NRXN1: variants seen among roughly 807,000 people sequenced by gnomAD.
NRXN1 encodes the protein neurexin-1.
In NRXN1, 39 loss-of-function variants were observed where a neutral mutation model predicts 150.9. That is an observed-to-expected ratio of 0.26 (90% confidence interval 0.20 to 0.34). The LOEUF (loss-of-function observed/expected upper bound fraction) is 0.34. Ranked by LOEUF, NRXN1 falls within the 10% of genes least tolerant of loss-of-function variation. The pLI is 1.00. For synonymous variants in NRXN1, 924 were observed against 757.0 expected (o/e 1.22, Z -3.62); for missense variants, 1,815 against 1,949.9 (o/e 0.93, Z 1.30).
At chr2:50,853,292 CT>C (rs1674778877) in intron 5 of NRXN1, among the ~76,000 whole-genome samples, 1 of 152,032 alleles carries the variant, frequency 6.6e-6, no homozygotes, top group Non-Finnish European at 1.5e-5. Flanking sequence ...TAATGAAAAT[CT>C]GCATGAGAGC....
At chr2:50,584,410 C>T (rs966072162) in intron 8 of NRXN1, among the ~76,000 whole-genome samples, 2 of 152,140 alleles carry the variant, frequency 1.3e-5, no homozygotes, top group African/African-American at 4.8e-5. Context: ...CTCATCAGCC[C>T]ATCTGTCCTG....
At chr2:50,889,965 A>G (rs1322158450) in intron 5 of NRXN1, among the ~76,000 whole-genome samples, 1 of 151,730 alleles carries the variant, frequency 6.6e-6, no homozygotes, top group Non-Finnish European at 1.5e-5. Context: ...TTTAAAATAA[A>G]TCTAATTTAT....
intron 2 of NRXN1, among the ~76,000 whole-genome samples, chr2:50,989,861 T>C (rs529333253): frequency 2.0e-5 from 3 of 152,082 alleles, no homozygotes; most frequent in East Asian, 1.9e-4. Flanking sequence ...GGTAGTATGT[T>C]AGACTTTATC....
intron 5 of NRXN1, among the ~76,000 whole-genome samples, chr2:50,692,152 G>T (rs1281758197): frequency 6.6e-6 from 1 of 151,552 alleles, no homozygotes; most frequent in Admixed American, 6.6e-5. Flanking sequence ...AGTTAACAAA[G>T]AAATTTTACA....
intron 19 of NRXN1, among the ~76,000 whole-genome samples, chr2:50,061,374 G>T (rs1481797568): frequency 2.6e-5 from 4 of 152,142 alleles, no homozygotes; most frequent in Admixed American, 6.5e-5. Flanking sequence ...AATATGCTGG[G>T]ATATAGAAGC....
At chr2:50,430,407 T>C (rs1190749049) in intron 17 of NRXN1, among the ~76,000 whole-genome samples, 1 of 152,208 alleles carries the variant, frequency 6.6e-6, no homozygotes, top group Admixed American at 6.5e-5. Context: ...ATGGAAATGC[T>C]TCTTGTCTGA....
At chr2:50,511,826 C>T (rs1010386768) in intron 12 of NRXN1, among the ~76,000 whole-genome samples, 1 of 151,902 alleles carries the variant, frequency 6.6e-6, no homozygotes, top group African/African-American at 2.4e-5. Flanking sequence ...AGATTTTTGG[C>T]CATTTTAGTA....
At chr2:50,972,862 CCT>C (rs1558514967) in intron 2 of NRXN1, among the ~76,000 whole-genome samples, 2 of 152,136 alleles carry the variant, frequency 1.3e-5, no homozygotes, top group Admixed American at 6.6e-5. Context: ...GTTGGGAACC[CCT>C]GACTTACAGG....
intron 18 of NRXN1, among the ~76,000 whole-genome samples, chr2:50,203,373 T>C (rs1056276770): frequency 6.6e-6 from 1 of 152,202 alleles, no homozygotes; most frequent in Non-Finnish European, 1.5e-5. Context: ...TTTACATTCT[T>C]GAATGTGTTT....
chr2:50,482,309 G>T (rs1165161775), intron 15 of NRXN1, among the ~76,000 whole-genome samples: 1 of 151,994 alleles, frequency 6.6e-6, no homozygotes, highest in Non-Finnish European at 1.5e-5. Flanking sequence ...TGGCAGATGG[G>T]GTGCGAGTTC....
chr2:50,050,382 T>G lies in NRXN1; in HGVS notation c.4128+2889A>C, dbSNP rs57207790. ...CTGCCTGACCAAAAATCTGTTTCCA[T>G]AGTTTTAAAACATGCAATCACCCCA... On this transcript the variant is annotated intron_variant, in intron 21 of 22. Transcript: ENST00000401669. 2.0e-5 allele frequency among the ~76,000 whole-genome samples: 3 copies of G among 152,004 alleles called. No individual in the cohort carries two copies. In the South Asian group the frequency reaches 6.2e-4, roughly 31 times the overall value.
At chr2:51,008,688 T>C (rs1667403834) in intron 2 of NRXN1, among the ~76,000 whole-genome samples, 1 of 151,790 alleles carries the variant, frequency 6.6e-6, no homozygotes, top group Non-Finnish European at 1.5e-5. Context: ...AAAGCATCAA[T>C]ATAATAATTT....
intron 18 of NRXN1, among the ~76,000 whole-genome samples, chr2:50,147,754 C>T (rs2058433189): frequency 6.6e-6 from 1 of 151,788 alleles, no homozygotes; most frequent in South Asian, 2.1e-4. Context: ...AAGTTTCTAA[C>T]ATGAAGTAAA....
chr2:50,104,630 T>C (rs1424539756), intron 18 of NRXN1, among the ~76,000 whole-genome samples: 1 of 152,008 alleles, frequency 6.6e-6, no homozygotes, highest in African/African-American at 2.4e-5. Context: ...CAGGCAATAA[T>C]ACGTATGAAT....
At chr2:51,004,494 G>T (rs1026382460) in intron 2 of NRXN1, among the ~76,000 whole-genome samples, 6 of 151,758 alleles carry the variant, frequency 4.0e-5, no homozygotes, top group African/African-American at 1.5e-4. Flanking sequence ...AGGCTTTATG[G>T]AAGTAACTTT....
intron 8 of NRXN1, chr2:50,589,141 G>T (rs908121480): frequency 6.6e-6 from 1 of 152,376 alleles, no homozygotes. Context: ...TGGTATCAAG[G>T]TTGTGGTCTG....
chr2:50,123,570 A>G (rs1013503637), intron 18 of NRXN1, among the ~76,000 whole-genome samples: 1 of 152,208 alleles, frequency 6.6e-6, no homozygotes, highest in Non-Finnish European at 1.5e-5. Context: ...TTAGGGTTTT[A>G]AAAAGCTCAT....
intron 8 of NRXN1, among the ~76,000 whole-genome samples, chr2:50,586,385 T>A (rs1673103203): frequency 6.6e-6 from 1 of 152,158 alleles, no homozygotes; most frequent in Non-Finnish European, 1.5e-5. Context: ...ATAAATTATA[T>A]ATTTTAAAAA....
intron 18 of NRXN1, among the ~76,000 whole-genome samples, chr2:50,108,473 T>C (rs1337875267): frequency 6.6e-6 from 1 of 152,062 alleles, no homozygotes; most frequent in African/African-American, 2.4e-5. Flanking sequence ...GGACTCAAAC[T>C]TGGTCCTTTT....
Sources: gnomAD v4.1 joint callset for allele counts (sites outside exome capture counted in the v4.1 genomes callset) on GRCh38, gnomAD v4.1.1 for gene constraint, MANE v1.5 for transcripts, NCBI Gene and HGNC (gene_info 2026-07-23, HGNC 2026-07-21) for gene names.